The following CMTM8 variants were observed in gnomAD, a reference collection of about 807,000 sequenced individuals.
CMTM8 encodes CKLF like MARVEL transmembrane domain containing 8, also known as CKLF-like MARVEL transmembrane domain-containing protein 8.
In CMTM8, 12 loss-of-function variants were observed where a neutral mutation model predicts 18.6. The observed-to-expected ratio is 0.65, with a 90% CI of 0.41 to 1.05. The LOEUF (loss-of-function observed/expected upper bound fraction) is 1.05, where lower values mean the gene tolerates loss of function less well. CMTM8 is among the 50% of genes least tolerant of loss of function. The pLI, the probability that CMTM8 is intolerant of heterozygous loss-of-function variation, is 0.00. For missense variants in CMTM8, 217 were observed against 227.2 expected (o/e 0.95, Z 0.29); for synonymous variants, 87 against 90.6 (o/e 0.96, Z 0.23).
At chr3:32,332,227 G>A (rs540143697) in intron 1 of CMTM8, among the ~76,000 whole-genome samples, 16 of 152,202 alleles carry the variant, frequency 1.1e-4, no homozygotes, top group East Asian at 1.9e-4. Context: ...GCTGCAGCCC[G>A]TCGCAGTGGA....
At chr3:32,240,129 A>G (rs1286064738) in intron 1 of CMTM8, among the ~76,000 whole-genome samples, 1 of 152,240 alleles carries the variant, frequency 6.6e-6, no homozygotes, top group Non-Finnish European at 1.5e-5. Flanking sequence ...GAGAATGGGC[A>G]CACCATCATG....
chr3:32,355,070 G>A (rs559920230), intron 1 of CMTM8, among the ~76,000 whole-genome samples: 2 of 152,280 alleles, frequency 1.3e-5, no homozygotes, highest in African/African-American at 4.8e-5. Flanking sequence ...AACATTTAGA[G>A]TCTTAGCTGC....
chr3:32,255,750 G>T (rs1376604647), intron 1 of CMTM8, among the ~76,000 whole-genome samples: 1 of 151,988 alleles, frequency 6.6e-6, no homozygotes, highest in Non-Finnish European at 1.5e-5. Flanking sequence ...GTGAGGACAG[G>T]ATCTCACCAT....
At chr3:32,269,767 A>G (rs953553932) in intron 1 of CMTM8, among the ~76,000 whole-genome samples, 3 of 152,172 alleles carry the variant, frequency 2.0e-5, no homozygotes, top group African/African-American at 7.2e-5. Flanking sequence ...ATACAGTACT[A>G]AAACCCATAT....
chr3:32,352,185 ACACAC>A (rs1696722831), intron 1 of CMTM8, among the ~76,000 whole-genome samples: 6 of 120,052 alleles, frequency 5.0e-5, no homozygotes, highest in African/African-American at 1.7e-4. Flanking sequence ...GAAAAAAAAC[ACACAC>A]ACACACACAC....
At chr3:32,276,008 C>G (rs956727485) in intron 1 of CMTM8, among the ~76,000 whole-genome samples, 6 of 152,116 alleles carry the variant, frequency 3.9e-5, no homozygotes, top group African/African-American at 1.4e-4. Context: ...TCTCACCCAC[C>G]TCCTTTATCC....
intron 3 of CMTM8, among the ~76,000 whole-genome samples, chr3:32,368,927 A>G (rs771141778): frequency 5.3e-5 from 8 of 152,214 alleles, no homozygotes; most frequent in Non-Finnish European, 1.2e-4. Context: ...TTAGACAGAA[A>G]TGCCAAAATG....
intron 1 of CMTM8, among the ~76,000 whole-genome samples, chr3:32,300,906 G>C (rs988682215): frequency 4.6e-5 from 7 of 150,924 alleles, no homozygotes; most frequent in African/African-American, 7.3e-5. Flanking sequence ...GTTGTGGTGA[G>C]CCGAGATTTT....
intron 1 of CMTM8, among the ~76,000 whole-genome samples, chr3:32,262,794 G>A (rs1362631050): frequency 6.6e-6 from 1 of 152,074 alleles, no homozygotes; most frequent in African/African-American, 2.4e-5. Flanking sequence ...TAATCAGCCG[G>A]TCCAAATATT....
intron 1 of CMTM8, among the ~76,000 whole-genome samples, chr3:32,311,620 T>C (rs78215344): frequency 0.021 from 3,258 of 152,344 alleles, 129 homozygotes; most frequent in African/African-American, 0.074. Flanking sequence ...CTCTTTGCCA[T>C]GTGAAACTCC....
chr3:32,287,955 G>C (rs1702712003), intron 1 of CMTM8, among the ~76,000 whole-genome samples: 1 of 151,868 alleles, frequency 6.6e-6, no homozygotes, highest in African/African-American at 2.4e-5. Context: ...AGAGAGAGAT[G>C]ATCCGTTTAT....
chr3:32,332,013 AT>A (rs1390397127), intron 1 of CMTM8, among the ~76,000 whole-genome samples: 4 of 151,452 alleles, frequency 2.6e-5, no homozygotes, highest in Non-Finnish European at 5.9e-5. Flanking sequence ...AAGGTATTAA[AT>A]GTTACGTTCT....
rs562153536 is a variant in CMTM8 at position 32,282,423 on chromosome 3, G to A, written c.147+43304G>A. 6.6e-5 allele frequency among the ~76,000 whole-genome samples: 10 copies of A among 151,966 alleles called. No individual in the cohort carries two copies. The East Asian group carries it at 1.7e-3, about 26-fold the overall frequency. The stretch of plus-strand genomic sequence containing the variant: ...GTTATTTGAATATTGACTGGATATT[G>A]GATATTATCATTAATTATTTTTAGC... On this transcript the variant is annotated intron_variant, in intron 1 of 3. Transcript: ENST00000307526.
At chr3:32,323,256 C>T (rs557636903) in intron 1 of CMTM8, among the ~76,000 whole-genome samples, 31 of 152,270 alleles carry the variant, frequency 2.0e-4, no homozygotes, top group Admixed American at 3.9e-4. Context: ...CTACTAGCCA[C>T]GCATCCGTCT....
At chr3:32,325,448 T>A (rs1027093328) in intron 1 of CMTM8, among the ~76,000 whole-genome samples, 1 of 152,198 alleles carries the variant, frequency 6.6e-6, no homozygotes, top group African/African-American at 2.4e-5. Context: ...GGACCTCTCT[T>A]TTTTTAAGAC....
chr3:32,317,859 G>T (rs1325271537), intron 1 of CMTM8, among the ~76,000 whole-genome samples: 2 of 152,020 alleles, frequency 1.3e-5, no homozygotes, highest in Admixed American at 6.6e-5. Flanking sequence ...TTCAAGACCA[G>T]CCTGGCCAAC....
chr3:32,364,053 G>A (rs577451860), intron 2 of CMTM8, among the ~76,000 whole-genome samples: 1 of 152,300 alleles, frequency 6.6e-6, no homozygotes, highest in Non-Finnish European at 1.5e-5. Context: ...CGCAGGTGAA[G>A]CGGACATCCC....
At chr3:32,294,975 A>C (rs890806579) in intron 1 of CMTM8, among the ~76,000 whole-genome samples, 1 of 152,084 alleles carries the variant, frequency 6.6e-6, no homozygotes, top group East Asian at 1.9e-4. Flanking sequence ...GAATCTCTTG[A>C]GCTTGGGAGG....
intron 1 of CMTM8, among the ~76,000 whole-genome samples, chr3:32,346,679 A>G (rs1696601543): frequency 6.6e-6 from 1 of 152,106 alleles, no homozygotes; most frequent in South Asian, 2.1e-4. Flanking sequence ...TCTAAACCTT[A>G]TTACCTACCA....
Sources: allele counts gnomAD v4.1 joint callset (sites outside exome capture counted in the v4.1 genomes callset), GRCh38; gene constraint gnomAD v4.1.1; transcripts MANE v1.5; gene names NCBI Gene and HGNC (gene_info 2026-07-23, HGNC 2026-07-21).